The following ZNF287 variants were observed in gnomAD, a reference collection of about 807,000 sequenced individuals.
The protein encoded by ZNF287 is zinc finger protein with KRAB and SCAN domains 13.
A neutral mutation model predicts 73.7 loss-of-function variants in ZNF287; 31 were observed. That is an observed-to-expected ratio of 0.42 (90% confidence interval 0.32 to 0.57). The LOEUF (loss-of-function observed/expected upper bound fraction) is 0.57, where lower values mean the gene tolerates loss of function less well. ZNF287 is among the 20% of genes least tolerant of loss of function. The probability of loss-of-function intolerance (pLI) is 0.13; values close to 1 mark genes in which losing one functional copy is unlikely to be tolerated. For missense variants in ZNF287, 641 were observed against 909.3 expected (o/e 0.70, Z 3.79); for synonymous variants, 301 against 307.2 (o/e 0.98, Z 0.21).
At chr17:16,567,182 T>C in intron 2 of ZNF287, 147 bp downstream of exon 2, 1 of 1,035,644 alleles carries the variant, frequency 9.7e-7, no homozygotes, top group Non-Finnish European at 1.4e-6. Flanking sequence ...CACTAACCTT[T>C]GTTCTCCCCA....
Position 16,569,195 on chromosome 17 carries a change from C to A in ZNF287, c.-442G>T, listed in dbSNP as rs906259163. The A allele has an allele frequency of 6.6e-6, 1 of 152,518 alleles. No homozygotes were observed. Among genetic ancestry groups the A allele is most frequent in the African/African-American group, 2.4e-5 (1 of 41,466 alleles). 9.4% of individuals were successfully genotyped at this position (152,518 alleles called of 1,614,324 possible). On this transcript the variant is annotated 5_prime_UTR_variant, in exon 1 of 6. Transcript: ENST00000395825. Reference sequence around the variant, plus strand: ...CCTCTGCTTAGCCGCGACCTCGCCTCGGCGTCACTGCGCATGTGCGCCAGA... The same window carrying A: ...CCTCTGCTTAGCCGCGACCTCGCCTAGGCGTCACTGCGCATGTGCGCCAGA...
At chr17:16,562,812 A>T (rs550916031) in intron 5 of ZNF287, among the ~76,000 whole-genome samples, 34 of 152,306 alleles carry the variant, frequency 2.2e-4, no homozygotes, top group African/African-American at 7.9e-4. Flanking sequence ...TTTAACATTT[A>T]AATTTTTAGG....
At chr17:16,558,967 ACT>A (rs1294916815) in intron 5 of ZNF287, 1 of 152,092 alleles carries the variant, frequency 6.6e-6, no homozygotes, top group Non-Finnish European at 1.5e-5. Context: ...ACAGAGTGAG[ACT>A]CTGTCTCAAC....
Position 16,567,775 on chromosome 17 carries a change from C to A in ZNF287, c.-44G>T. ...CAATCTGGCAATATCCTTTATTTCT[C>A]CAGTAGTGAGCCAACTGCTTGAAGT... On this transcript the variant is annotated 5_prime_UTR_variant, in exon 2 of 6. The change creates a premature stop within an existing upstream ORF in the 5' untranslated region. Coordinates refer to ENST00000395825, the MANE Select transcript of ZNF287 (RefSeq NM_020653.4). 6.4e-7 allele frequency: 1 copy of A among 1,555,282 alleles called. No homozygotes were observed. Among genetic ancestry groups the A allele is most frequent in the South Asian group, 1.2e-5 (1 of 81,164 alleles).
intron 5 of ZNF287, chr17:16,558,206 G>C (rs1907199748): frequency 6.6e-6 from 1 of 152,096 alleles, no homozygotes; most frequent in Non-Finnish European, 1.5e-5. Context: ...AAATTATAGA[G>C]AAGAATTAGC....
rs1327335934 is a variant in ZNF287, at chr17:16,563,226, G to GT, written c.634dup (p.Thr212AsnfsTer26). On this transcript the variant is annotated frameshift_variant, in exon 5 of 6. Transcript: ENST00000395825. LOFTEE classifies it high-confidence loss of function. ...GGGAATCACAGTTGGTCTGTACACT[G>GT]TAAGTCCTGTTCAGGAGGAATATAA... 2.5e-6 allele frequency: 4 copies of GT among 1,607,132 alleles called. No individual in the cohort carries two copies. The highest frequency in any genetic ancestry group is 2.2e-5 in the East Asian group (1 of 44,850).
At chr17:16,562,897 G>T (rs1907529324) in intron 5 of ZNF287, among the ~76,000 whole-genome samples, 1 of 152,160 alleles carries the variant, frequency 6.6e-6, no homozygotes, top group African/African-American at 2.4e-5. Flanking sequence ...GCTCTTAAGA[G>T]ATGGGACCTA....
At chr17:16,563,529 C>G (rs1907568533) in intron 4 of ZNF287, among the ~76,000 whole-genome samples, 170 bp downstream of exon 4, 1 of 152,192 alleles carries the variant, frequency 6.6e-6, no homozygotes, top group Non-Finnish European at 1.5e-5. Context: ...CCAATGTTCT[C>G]TCACTTAAGA....
At position 16,552,102 on chromosome 17, in the gene ZNF287, T is replaced by C; in HGVS notation, c.2040A>G (p.Glu680=). The part of the protein sequence containing the change: ...HTGEKPYKCN[E]CGKAFIYSSS... The stretch of plus-strand genomic sequence containing the variant: ...AGGAATAAATGAAAGCTTTCCCACA[T>C]TCATTACATTTATAGGGTTTTTCTC... Residue 680 remains glutamate (E), a synonymous_variant, in exon 6 of 6, where the codon GAA becomes GAG. Coordinates refer to ENST00000395825, the MANE Select transcript of ZNF287 (RefSeq NM_020653.4). The surrounding 1 kb of genome is among the most constrained non-coding windows in gnomAD (Gnocchi z 6.5). 1 of 1,614,114 alleles carries C rather than the reference T, an allele frequency of 6.2e-7. No individual in the cohort carries two copies. Among genetic ancestry groups the C allele is most frequent in the Non-Finnish European group, 8.5e-7 (1 of 1,179,984 alleles).
At position 16,553,376 on chromosome 17, in the gene ZNF287, G is replaced by A. The variant is rs1225303377; in HGVS notation, c.766C>T (p.Leu256Phe). The A allele has an allele frequency of 6.2e-7, 1 of 1,606,222 alleles. No individual in the cohort carries two copies. Among genetic ancestry groups the A allele is most frequent in the Non-Finnish European group, 8.5e-7 (1 of 1,177,004 alleles). ...ACTPVEDMSK[L>F]TKEETHTIKL... ...ATGGTATGGGTTTCTTCCTTTGTGA[G>A]TTTAGACATATCCTCCACTGGAGTA... The change falls in exon 6 of 6, where the codon CTC becomes TTC. Residue 256 changes from leucine to phenylalanine, a missense_variant. By Grantham distance (22) the Leu-to-Phe change is conservative (BLOSUM62 0). This residue lies in a region of ZNF287 where 357 missense variants were observed against 442.4 expected (regional missense o/e 0.81). Transcript: ENST00000395825.
At chr17:16,562,952 G>A (rs1367988392) in intron 5 of ZNF287, among the ~76,000 whole-genome samples, 194 bp downstream of exon 5, 1 of 152,236 alleles carries the variant, frequency 6.6e-6, no homozygotes, top group South Asian at 2.1e-4. Context: ...CGGGAAAAGT[G>A]TGTTAACAGT....
In ZNF287 at chr17:16,547,646, G is replaced by A. The variant is rs1469749823; in HGVS notation, c.*4210C>T. Among the ~76,000 whole-genome samples, 1 of 152,218 alleles carries A rather than the reference G, an allele frequency of 6.6e-6. No homozygotes were observed. The highest frequency in any genetic ancestry group is 6.5e-5 in the Admixed American group (1 of 15,288). ...AATTGCCAGTGACACTCCGGGAGCA[G>A]TGAGAATCCCTAGTGCCCAGATCTT... is the stretch of plus-strand genomic sequence containing the variant. On this transcript the variant is annotated 3_prime_UTR_variant, in exon 6 of 6. Coordinates refer to ENST00000395825, the MANE Select transcript of ZNF287 (RefSeq NM_020653.4).
intron 3 of ZNF287, among the ~76,000 whole-genome samples, chr17:16,565,247 CTT>C: frequency 6.6e-6 from 1 of 151,606 alleles, no homozygotes; most frequent in South Asian, 2.1e-4. Context: ...AAGTTTATAA[CTT>C]AGGGAGAACT....
chr17:16,557,200 T>C (rs1162725444), intron 5 of ZNF287, among the ~76,000 whole-genome samples: 1 of 152,168 alleles, frequency 6.6e-6, no homozygotes, highest in Non-Finnish European at 1.5e-5. Context: ...AACAGATCAT[T>C]AAGCAGGGTT....
chr17:16,566,012 AACAG>A (rs1907721670), intron 3 of ZNF287, among the ~76,000 whole-genome samples: 11 of 152,190 alleles, frequency 7.2e-5, no homozygotes, highest in African/African-American at 2.7e-4. Flanking sequence ...ATTCATGACC[AACAG>A]TAATATGACA....
intron 2 of ZNF287, among the ~76,000 whole-genome samples, chr17:16,567,087 T>C (rs1278852211): frequency 3.9e-5 from 6 of 152,018 alleles, no homozygotes; most frequent in Admixed American, 2.0e-4. Flanking sequence ...TTCTTGGGGG[T>C]TTAGATAATG....
Position 16,547,233 on chromosome 17 carries a change from G to A in ZNF287, c.*4623C>T, listed in dbSNP as rs1285091053. Among the ~76,000 whole-genome samples the A allele has an allele frequency of 6.6e-6, 1 of 152,166 alleles. No homozygotes were observed. Among genetic ancestry groups the A allele is most frequent in the Non-Finnish European group, 1.5e-5 (1 of 68,028 alleles). On this transcript the variant is annotated 3_prime_UTR_variant, in exon 6 of 6. Coordinates refer to ENST00000395825, the MANE Select transcript of ZNF287 (RefSeq NM_020653.4). The stretch of plus-strand genomic sequence containing the variant: ...TTACCAGAAATCTGCCTTAAGAGAT[G>A]TGATGGGAAAGGAGGGCTATTAGCT...
At chr17:16,567,998 G>C (rs1434726620) in intron 1 of ZNF287, 69 bp from the exon 2 acceptor site, 6 of 1,259,366 alleles carry the variant, frequency 4.8e-6, no homozygotes, top group Non-Finnish European at 6.0e-6. Context: ...TACACACACA[G>C]AAACAGACTC....
At chr17:16,553,451 A>G in intron 5 of ZNF287, 25 bp from the exon 6 acceptor site, 1 of 1,435,922 alleles carries the variant, frequency 7.0e-7, no homozygotes, top group Non-Finnish European at 9.2e-7. Context: ...ATATTAAAAA[A>G]TCTTCATTTA....
Sources: gnomAD v4.1 joint callset for allele counts (sites outside exome capture counted in the v4.1 genomes callset) on GRCh38, gnomAD v4.1.1 for gene constraint, gnomAD v4.1.1 regional missense constraint, Gnocchi (gnomAD v3.1) non-coding constraint, MANE v1.5 for transcripts, NCBI Gene and HGNC (gene_info 2026-07-23, HGNC 2026-07-21) for gene names.